ERP27: variants seen among roughly 807,000 people sequenced by gnomAD.
ERP27 encodes endoplasmic reticulum resident protein 27.
In ERP27, 23 loss-of-function variants were observed where a neutral mutation model predicts 27.7. The observed-to-expected ratio is 0.83, with a 90% CI of 0.60 to 1.18. The LOEUF is 1.18. Ranked by LOEUF, ERP27 falls within the 50% of genes most tolerant of loss-of-function variation. ERP27 has a pLI of 0.00. For missense variants in ERP27, 363 were observed against 327.9 expected, an observed-to-expected ratio of 1.11 and a Z score of -0.83; for synonymous variants, 159 against 118.3, an observed-to-expected ratio of 1.34 and a Z score of -2.23.
intron 5 of ERP27, 101 bp downstream of exon 5, chr12:14,917,077 A>G: frequency 7.1e-7 from 1 of 1,402,642 alleles, no homozygotes; most frequent in South Asian, 1.3e-5. Flanking sequence ...TCTCCTAACC[A>G]TAGTTGTTTT....
chr12:14,932,410 G>A (rs996080913), intron 3 of ERP27, among the ~76,000 whole-genome samples: 3 of 152,108 alleles, frequency 2.0e-5, no homozygotes, highest in Non-Finnish European at 2.9e-5. Context: ...CCCTTGGCGG[G>A]TGGTGGCATT....
rs1456605327 is a variant in ERP27, at chr12:14,914,575, T to TGC, written c.*159_*160insGC. The stretch of plus-strand genomic sequence containing the variant: ...ATGAAGCTCTGTGTGTGTGTGTGTG[T>TGC]GTGCGTGTGTGTGTGCACGCGTGCG... On this transcript the variant is annotated 3_prime_UTR_variant, in exon 7 of 7. Transcript: ENST00000266397. The TGC allele has an allele frequency of 4.1e-4, 237 of 572,814 alleles. No homozygotes were observed. Among genetic ancestry groups the TGC allele is most frequent in the African/African-American group, 2.1e-3 (94 of 45,720 alleles). The allele number at this position is 572,814 out of a possible 1,614,324, so 35.5% of individuals were successfully genotyped here.
At chr12:14,916,626 C>G (rs1365137893) in intron 5 of ERP27, among the ~76,000 whole-genome samples, 1 of 152,118 alleles carries the variant, frequency 6.6e-6, no homozygotes, top group African/African-American at 2.4e-5. Flanking sequence ...AACCAACCAT[C>G]AGAAAGGCGC....
intron 2 of ERP27, among the ~76,000 whole-genome samples, chr12:14,937,523 C>T (rs907320532): frequency 2.6e-5 from 4 of 152,180 alleles, no homozygotes; most frequent in African/African-American, 7.2e-5. Context: ...TGTGCACTGA[C>T]TAATGTCCAG....
chr12:14,938,229 G>T (rs1281729187), intron 1 of ERP27, among the ~76,000 whole-genome samples, 177 bp from the exon 2 acceptor site: 2 of 152,156 alleles, frequency 1.3e-5, no homozygotes, highest in Non-Finnish European at 2.9e-5. Flanking sequence ...TGACCCTACT[G>T]ATGGTCTGTC....
intron 3 of ERP27, among the ~76,000 whole-genome samples, chr12:14,933,215 T>G (rs779237039): frequency 7.9e-5 from 12 of 152,156 alleles, no homozygotes; most frequent in Non-Finnish European, 1.2e-4. Context: ...TCACATAGCA[T>G]GGGTTCCATG....
chr12:14,930,279 G>A (rs920100094), intron 3 of ERP27, among the ~76,000 whole-genome samples: 2 of 152,120 alleles, frequency 1.3e-5, no homozygotes, highest in African/African-American at 2.4e-5. Context: ...AGTTTCTTCT[G>A]ATTCTCTTTG....
rs1219012952 is a variant in ERP27 at position 14,914,621 on chromosome 12, T to G, written c.*114A>C. ...GTGCGTGCGTGTGTGCACGTGCGTG[T>G]GTGTGTGGTTGGCAGGCCTAGTGAT... On this transcript the variant is annotated 3_prime_UTR_variant, in exon 7 of 7. Coordinates refer to ENST00000266397, the MANE Select transcript of ERP27 (RefSeq NM_152321.4). 7 of 853,750 alleles carry G rather than the reference T, an allele frequency of 8.2e-6. No homozygotes were observed. The East Asian group carries it at 1.7e-4, about 21-fold the overall frequency. 52.9% of individuals were successfully genotyped at this position (853,750 alleles called of 1,614,324 possible).
intron 3 of ERP27, among the ~76,000 whole-genome samples, chr12:14,926,705 A>G (rs1175423614): frequency 6.6e-6 from 1 of 152,208 alleles, no homozygotes; most frequent in Non-Finnish European, 1.5e-5. Flanking sequence ...TGCAAACATT[A>G]GAATATTCAA....
chr12:14,921,072 AGT>A (rs775745570), intron 3 of ERP27, 24 bp from the exon 4 acceptor site: 2 of 1,581,538 alleles, frequency 1.3e-6, no homozygotes, highest in Non-Finnish European at 8.7e-7. Context: ...AAAAGAATGA[AGT>A]CACTATTCCA....
intron 3 of ERP27, among the ~76,000 whole-genome samples, chr12:14,929,958 A>T (rs1030845127): frequency 1.3e-5 from 2 of 151,638 alleles, no homozygotes; most frequent in Non-Finnish European, 1.5e-5. Context: ...TATATACTTT[A>T]AAAAAAAGTT....
intron 3 of ERP27, among the ~76,000 whole-genome samples, chr12:14,924,805 G>A (rs1321134296): frequency 6.6e-6 from 1 of 152,176 alleles, no homozygotes; most frequent in Non-Finnish European, 1.5e-5. Flanking sequence ...GGATGAAATA[G>A]CAGGTTGGCA....
At chr12:14,931,746 C>T (rs139213508) in intron 3 of ERP27, among the ~76,000 whole-genome samples, 7 of 151,932 alleles carry the variant, frequency 4.6e-5, no homozygotes, top group South Asian at 2.1e-4. Context: ...TTGGAAGCAA[C>T]GGCACTTGTT....
At chr12:14,921,296 G>A (rs1863500037) in intron 3 of ERP27, among the ~76,000 whole-genome samples, 1 of 152,212 alleles carries the variant, frequency 6.6e-6, no homozygotes, top group Non-Finnish European at 1.5e-5. Flanking sequence ...CTATGGAAGA[G>A]CAGAAAAGCT....
intron 4 of ERP27, among the ~76,000 whole-genome samples, chr12:14,918,799 G>A (rs2445384): frequency 0.63 from 95,858 of 152,052 alleles, 30,621 homozygotes; most frequent in East Asian, 0.9. Flanking sequence ...AGATTTCTCC[G>A]TGGAGTTTAA....
intron 3 of ERP27, among the ~76,000 whole-genome samples, chr12:14,926,889 T>A (rs182874580): frequency 3.4e-4 from 52 of 152,326 alleles, no homozygotes; most frequent in African/African-American, 1.2e-3. Context: ...TTTTTTAGCT[T>A]CTGTGTGGGT....
At chr12:14,928,552 T>C (rs1250251581) in intron 3 of ERP27, among the ~76,000 whole-genome samples, 5 of 152,230 alleles carry the variant, frequency 3.3e-5, no homozygotes, top group Non-Finnish European at 2.9e-5. Flanking sequence ...GGCATAAAAT[T>C]GCAGCCATTC....
chr12:14,914,501 A>G lies in ERP27; in HGVS notation c.*234T>C. The G allele has an allele frequency of 1.9e-6, 1 of 516,410 alleles. No individual in the cohort carries two copies. The highest frequency in any genetic ancestry group is 3.7e-5 in the Admixed American group (1 of 27,078). 32.0% of individuals were successfully genotyped at this position (516,410 alleles called of 1,614,324 possible). A position where few individuals can be genotyped will look rare whatever the true frequency, so the allele number is the denominator to read the frequency against. On this transcript the variant is annotated 3_prime_UTR_variant, in exon 7 of 7. Coordinates refer to ENST00000266397, the MANE Select transcript of ERP27 (RefSeq NM_152321.4). ...AGGAAATTGGATAGGGAGTGAGGAT[A>G]TGAAATTTAAAAGAAGGAAGAAGAG...
intron 3 of ERP27, chr12:14,929,014 A>C: frequency 1.3e-6 from 2 of 1,535,196 alleles, no homozygotes; most frequent in Non-Finnish European, 1.7e-6. Context: ...AATCATCATC[A>C]TTATCATCAT....
Sources: gnomAD v4.1 joint callset for allele counts (sites outside exome capture counted in the v4.1 genomes callset) on GRCh38, gnomAD v4.1.1 for gene constraint, MANE v1.5 for transcripts, NCBI Gene and HGNC (gene_info 2026-07-23, HGNC 2026-07-21) for gene names.